Variants in DENND5B observed in about 807,000 individuals in gnomAD.
DENND5B encodes DENN domain containing 5B.
A neutral mutation model predicts 140.6 loss-of-function variants in DENND5B; 34 were observed. The observed-to-expected ratio is 0.24, with a 90% confidence interval of 0.18 to 0.32. The LOEUF is 0.32. DENND5B is among the 10% of genes least tolerant of loss of function. DENND5B has a pLI of 1.00. For missense variants in DENND5B, 1,142 were observed against 1,560.2 expected (o/e 0.73, Z 4.52); for synonymous variants, 551 against 562.1 (o/e 0.98, Z 0.28).
chr12:31,466,803 T>C (rs991146509), intron 3 of DENND5B, among the ~76,000 whole-genome samples: 1 of 152,048 alleles, frequency 6.6e-6, no homozygotes, highest in Non-Finnish European at 1.5e-5. Flanking sequence ...TTTTCCAAAA[T>C]GGGTAAAGGA....
At chr12:31,411,628 C>T (rs535724757) in intron 13 of DENND5B, among the ~76,000 whole-genome samples, 1 of 152,184 alleles carries the variant, frequency 6.6e-6, no homozygotes, top group East Asian at 1.9e-4. Flanking sequence ...CAGGTGTGAG[C>T]CACTGCGCCC....
At chr12:31,484,419 T>C (rs974635096) in intron 2 of DENND5B, among the ~76,000 whole-genome samples, 4 of 152,062 alleles carry the variant, frequency 2.6e-5, no homozygotes, top group Non-Finnish European at 4.4e-5. Flanking sequence ...ACGTCGACCA[T>C]TCTATGGCCG....
intron 11 of DENND5B, among the ~76,000 whole-genome samples, 191 bp downstream of exon 11, chr12:31,423,406 G>T (rs144175887): frequency 6.6e-6 from 1 of 152,242 alleles, no homozygotes; most frequent in African/African-American, 2.4e-5. Context: ...GACGAAGCAG[G>T]ACTTCAGAAA....
chr12:31,515,494 T>C (rs536378087), intron 1 of DENND5B, among the ~76,000 whole-genome samples: 38 of 152,314 alleles, frequency 2.5e-4, no homozygotes, highest in Admixed American at 7.2e-4. Flanking sequence ...CACATACTTA[T>C]AGTTTTGCAG....
intron 1 of DENND5B, among the ~76,000 whole-genome samples, chr12:31,545,175 A>T (rs1354472957): frequency 1.3e-5 from 2 of 152,190 alleles, no homozygotes; most frequent in Non-Finnish European, 2.9e-5. Flanking sequence ...AAATTCACGT[A>T]CAAAAAGATG....
In DENND5B at chr12:31,534,237, G is replaced by A. The variant is rs61930347; in HGVS notation, c.128-38318C>T. The stretch of plus-strand genomic sequence containing the variant: ...TGCAGTGGTGCGATCTCGGCTTACT[G>A]CAACCTCTGCCTTCCAGGTTCAAGC... On this transcript the variant is annotated intron_variant, in intron 1 of 20. Coordinates refer to ENST00000389082, the MANE Select transcript of DENND5B (RefSeq NM_144973.4). Among the ~76,000 whole-genome samples the A allele has an allele frequency of 6.6e-3, 999 of 151,970 alleles. 10 individuals are homozygous for A. The highest frequency in any genetic ancestry group is 0.027 in the Middle Eastern group (8 of 294).
chr12:31,403,820 C>T (rs1303355705), intron 14 of DENND5B, among the ~76,000 whole-genome samples: 1 of 140,008 alleles, frequency 7.1e-6, no homozygotes, highest in African/African-American at 2.7e-5. Context: ...CGCTTGAACC[C>T]GGGAGGCAGA....
chr12:31,389,942 G>C (rs975782709), intron 19 of DENND5B, among the ~76,000 whole-genome samples: 2 of 151,738 alleles, frequency 1.3e-5, no homozygotes, highest in Non-Finnish European at 2.9e-5. Flanking sequence ...CTGACAAAGA[G>C]AGATATATGT....
At chr12:31,584,992 G>A (rs1294516501) in intron 1 of DENND5B, among the ~76,000 whole-genome samples, 1 of 152,176 alleles carries the variant, frequency 6.6e-6, no homozygotes, top group Non-Finnish European at 1.5e-5. Flanking sequence ...GCAAGAGAGA[G>A]GAACGAAGAG....
rs1203778890 is a variant in DENND5B, at chr12:31,389,365, C to T, written c.3600G>A (p.Gly1200=). The change falls in exon 20 of 21, where the codon GGG becomes GGA. Residue 1200 remains glycine (G), a synonymous_variant. Transcript: ENST00000389082. ...NAINTAPRNI[G]KDGKFQILVC... Reference sequence around the variant, plus strand: ...CTAAAATCTGGAATTTGCCATCCTTCCCAATGTTCCTGGGTGCAGTATTAA... The same window carrying T: ...CTAAAATCTGGAATTTGCCATCCTTTCCAATGTTCCTGGGTGCAGTATTAA... 1 of 1,613,224 alleles carries T rather than the reference C, an allele frequency of 6.2e-7. No individual in the cohort carries two copies. The highest frequency in any genetic ancestry group is 1.1e-5 in the South Asian group (1 of 90,734).
chr12:31,449,833 C>G (rs1404527756), intron 5 of DENND5B, among the ~76,000 whole-genome samples: 6 of 149,532 alleles, frequency 4.0e-5, no homozygotes, highest in Non-Finnish European at 7.4e-5. Flanking sequence ...CGGGTTCATG[C>G]CATTCTTCTG....
At chr12:31,480,971 A>C (rs999566747) in intron 2 of DENND5B, among the ~76,000 whole-genome samples, 2 of 152,194 alleles carry the variant, frequency 1.3e-5, no homozygotes, top group Non-Finnish European at 2.9e-5. Context: ...CAGAGGAGCT[A>C]AAGATGCTAT....
At chr12:31,426,253 C>T (rs765696212) in intron 9 of DENND5B, 40 bp downstream of exon 9, 2 of 1,576,538 alleles carry the variant, frequency 1.3e-6, no homozygotes, top group African/African-American at 2.7e-5. Flanking sequence ...ATGGTGTAAA[C>T]ATGAATGCAC....
Position 31,383,874 on chromosome 12 carries a change from G to A in DENND5B, c.*3729C>T, listed in dbSNP as rs547616025. The A allele has an allele frequency of 6.6e-6, 1 of 152,128 alleles. No individual in the cohort carries two copies. The highest frequency in any genetic ancestry group is 2.1e-4 in the South Asian group (1 of 4,816). The allele number at this position is 152,128 out of a possible 1,614,324, so 9.4% of individuals were successfully genotyped here. A position where few individuals can be genotyped will look rare whatever the true frequency, so the allele number is the denominator to read the frequency against. On this transcript the variant is annotated 3_prime_UTR_variant, in exon 21 of 21. Transcript: ENST00000389082. ...AAATTTTTCAAGAGGTAATACTTTT[G>A]GCAATTTAATTTTAAAACAACTTCT... is the stretch of plus-strand genomic sequence containing the variant.
chr12:31,526,848 C>T lies in DENND5B; in HGVS notation c.128-30929G>A, dbSNP rs117981667. 1.6e-4 allele frequency among the ~76,000 whole-genome samples: 24 copies of T among 152,256 alleles called. No individual in the cohort carries two copies. In the East Asian group the frequency reaches 2.7e-3, roughly 17 times the overall value. On this transcript the variant is annotated intron_variant, in intron 1 of 20. Coordinates refer to ENST00000389082, the MANE Select transcript of DENND5B (RefSeq NM_144973.4). ...TTCTACACTGTCTTTGGAACTCTTC[C>T]GCAAATCCAAAGTTATTTCAAAATA... is the stretch of plus-strand genomic sequence containing the variant.
chr12:31,482,374 A>G (rs1373799175), intron 2 of DENND5B, among the ~76,000 whole-genome samples: 1 of 152,178 alleles, frequency 6.6e-6, no homozygotes, highest in African/African-American at 2.4e-5. Flanking sequence ...CCCAAACTGA[A>G]GTTCTGATTT....
intron 3 of DENND5B, among the ~76,000 whole-genome samples, chr12:31,473,487 A>G: frequency 6.6e-6 from 1 of 152,202 alleles, no homozygotes; most frequent in Admixed American, 6.5e-5. Context: ...AATGGGAATG[A>G]ATTAGATTGC....
At chr12:31,415,258 C>T (rs1186093267) in intron 12 of DENND5B, 109 bp downstream of exon 12, 2 of 799,950 alleles carry the variant, frequency 2.5e-6, no homozygotes, top group Non-Finnish European at 3.9e-6. Context: ...CTTCAGAATA[C>T]ATAAGCCAAA....
At chr12:31,430,639 G>A (rs1438710528) in intron 8 of DENND5B, among the ~76,000 whole-genome samples, 2 of 151,930 alleles carry the variant, frequency 1.3e-5, no homozygotes, top group South Asian at 2.1e-4. Context: ...CCAGCCTGGC[G>A]ACAGAGGGAG....
Sources: gnomAD v4.1 joint callset for allele counts (sites outside exome capture counted in the v4.1 genomes callset) on GRCh38, gnomAD v4.1.1 for gene constraint, MANE v1.5 for transcripts, NCBI Gene and HGNC (gene_info 2026-07-23, HGNC 2026-07-21) for gene names.